PTPRD: variants seen among roughly 807,000 people sequenced by gnomAD.
PTPRD encodes the protein receptor-type tyrosine-protein phosphatase delta.
In PTPRD, 34 loss-of-function variants were observed where a neutral mutation model predicts 214.5. The ratio of observed to expected loss-of-function variants is 0.16; its 90% CI spans 0.12 to 0.21. PTPRD has a LOEUF of 0.21. Ranked by LOEUF, PTPRD falls within the 10% of genes least tolerant of loss-of-function variation. The pLI is 1.00. For missense variants in PTPRD, 2,545 were observed against 2,398.7 expected (o/e 1.06, Z -1.27); for synonymous variants, 1,128 against 845.7 (o/e 1.33, Z -5.79).
intron 14 of PTPRD, among the ~76,000 whole-genome samples, chr9:8,540,895 T>G (rs1273689430): frequency 6.6e-6 from 1 of 152,188 alleles, no homozygotes; most frequent in Non-Finnish European, 1.5e-5. Context: ...GTAACAGTTT[T>G]TATAGTTTTA....
chr9:10,428,431 G>A (rs1355573552), intron 2 of PTPRD, among the ~76,000 whole-genome samples: 1 of 140,054 alleles, frequency 7.1e-6, no homozygotes, highest in Non-Finnish European at 1.5e-5. Context: ...TATAAATTCT[G>A]GGTAAAATAT....
At chr9:8,614,574 T>G (rs138857970) in intron 14 of PTPRD, among the ~76,000 whole-genome samples, 1 of 152,180 alleles carries the variant, frequency 6.6e-6, no homozygotes, top group Non-Finnish European at 1.5e-5. Flanking sequence ...TCCTTTTATG[T>G]AGAGCCCTAC....
intron 8 of PTPRD, among the ~76,000 whole-genome samples, chr9:9,429,975 C>G (rs981121186): frequency 6.6e-6 from 1 of 152,116 alleles, no homozygotes; most frequent in African/African-American, 2.4e-5. Flanking sequence ...GGAAGCATTC[C>G]CTTTGAAAAC....
At chr9:10,471,725 G>A (rs548198323) in intron 2 of PTPRD, among the ~76,000 whole-genome samples, 1 of 152,166 alleles carries the variant, frequency 6.6e-6, no homozygotes, top group South Asian at 2.1e-4. Flanking sequence ...TATAGATAAA[G>A]AAGTCATCGT....
At chr9:10,008,622 A>G (rs34305176) in intron 4 of PTPRD, among the ~76,000 whole-genome samples, 15,300 of 151,774 alleles carry the variant, frequency 0.1, 944 homozygotes, top group African/African-American at 0.14. Context: ...CATTCAGCAT[A>G]AATTCCTGTC....
intron 11 of PTPRD, among the ~76,000 whole-genome samples, chr9:8,769,099 A>C (rs1315232553): frequency 6.6e-6 from 1 of 152,190 alleles, no homozygotes; most frequent in Admixed American, 6.5e-5. Flanking sequence ...ACCCAAGGAA[A>C]ATGTTTTATG....
chr9:9,549,274 A>G (rs1218340124), intron 8 of PTPRD, among the ~76,000 whole-genome samples: 2 of 152,138 alleles, frequency 1.3e-5, no homozygotes, highest in African/African-American at 4.8e-5. Context: ...TATTACACAC[A>G]CAGACACACA....
chr9:9,642,767 C>T (rs1027439596), intron 7 of PTPRD, among the ~76,000 whole-genome samples: 1 of 152,192 alleles, frequency 6.6e-6, no homozygotes, highest in Non-Finnish European at 1.5e-5. Context: ...AATATATTTG[C>T]TCCCTAAATC....
Position 8,733,894 on chromosome 9 carries a change from G to T in PTPRD, c.-51C>A. On this transcript the variant is annotated 5_prime_UTR_variant, in exon 12 of 46. Transcript: ENST00000381196. ...GAGCAGCTTGGAATCACTGCCTCCG[G>T]AGCCGCAGCGAGTCTGTCCGATCTG... The T allele has an allele frequency of 6.6e-7, 1 of 1,520,102 alleles. No homozygotes were observed. The highest frequency in any genetic ancestry group is 8.9e-7 in the Non-Finnish European group (1 of 1,123,448). 94.2% of individuals were successfully genotyped at this position (1,520,102 alleles called of 1,614,324 possible). A position where few individuals can be genotyped will look rare whatever the true frequency, so the allele number is the denominator to read the frequency against.
At chr9:9,567,685 T>C (rs993368360) in intron 8 of PTPRD, among the ~76,000 whole-genome samples, 1 of 152,040 alleles carries the variant, frequency 6.6e-6, no homozygotes, top group Non-Finnish European at 1.5e-5. Flanking sequence ...TTTCTCCTTT[T>C]CTGCTTCTTA....
intron 5 of PTPRD, among the ~76,000 whole-genome samples, chr9:9,916,093 A>T (rs544251673): frequency 1.3e-5 from 2 of 149,526 alleles, no homozygotes; most frequent in African/African-American, 4.9e-5. Flanking sequence ...AAAAAAAAAA[A>T]CAAAAAACTG....
chr9:8,618,330 G>A (rs1381773890), intron 14 of PTPRD, among the ~76,000 whole-genome samples: 1 of 152,056 alleles, frequency 6.6e-6, no homozygotes, highest in African/African-American at 2.4e-5. Context: ...AGACCACATA[G>A]GTAAAGGGCT....
Position 10,090,275 on chromosome 9 carries a change from C to T in PTPRD, c.-544-56485G>A, listed in dbSNP as rs1231882815. On this transcript the variant is annotated intron_variant, in intron 3 of 45. Coordinates refer to ENST00000381196, the MANE Select transcript of PTPRD (RefSeq NM_002839.4). ...TATGATTTAGTGTTTATTCATTCTA[C>T]TATCAAGAACCTGAGACAATGTGGA... 2.6e-5 allele frequency among the ~76,000 whole-genome samples: 4 copies of T among 151,592 alleles called. No individual in the cohort carries two copies. In the East Asian group the frequency reaches 7.8e-4, roughly 29 times the overall value.
chr9:9,242,214 G>C (rs111314907), intron 9 of PTPRD, among the ~76,000 whole-genome samples: 11 of 152,284 alleles, frequency 7.2e-5, no homozygotes, highest in African/African-American at 1.9e-4. Flanking sequence ...CGAGAAATCA[G>C]CTGTTAGTCT....
At position 8,443,068 on chromosome 9, in the gene PTPRD, G is replaced by A. The variant is rs55694817; in HGVS notation, c.3989-6379C>T. 2.6e-3 allele frequency among the ~76,000 whole-genome samples: 400 copies of A among 152,284 alleles called. 2 individuals are homozygous for A. Among genetic ancestry groups the A allele is most frequent in the Admixed American group, 5.8e-3 (88 of 15,292 alleles). ...GTTGAGGTGGGTGGATTACTTAAGC[G>A]TGGAATGTTGAGGCTACAGTAAGCT... On this transcript the variant is annotated intron_variant, in intron 34 of 45. Coordinates refer to ENST00000381196, the MANE Select transcript of PTPRD (RefSeq NM_002839.4).
At chr9:8,924,690 G>A (rs2098855789) in intron 11 of PTPRD, among the ~76,000 whole-genome samples, 1 of 152,024 alleles carries the variant, frequency 6.6e-6, no homozygotes, top group African/African-American at 2.4e-5. Flanking sequence ...GTCTGTAGAA[G>A]GAAACTGTTA....
intron 11 of PTPRD, among the ~76,000 whole-genome samples, chr9:9,005,456 A>G (rs866556910): frequency 4.6e-5 from 7 of 152,228 alleles, no homozygotes; most frequent in African/African-American, 1.7e-4. Flanking sequence ...GAGGAACATC[A>G]TCATGAAATA....
chr9:9,872,296 T>G (rs2065671089), intron 5 of PTPRD, among the ~76,000 whole-genome samples: 2 of 152,156 alleles, frequency 1.3e-5, no homozygotes, highest in Admixed American at 1.3e-4. Flanking sequence ...TGATTTGCCC[T>G]CACAGTCCCT....
intron 10 of PTPRD, among the ~76,000 whole-genome samples, chr9:9,084,661 G>C (rs1258199759): frequency 6.6e-6 from 1 of 152,090 alleles, no homozygotes; most frequent in African/African-American, 2.4e-5. Flanking sequence ...CAGAGGTAAT[G>C]TACTGGCCTC....
Sources: gnomAD v4.1 joint callset for allele counts (sites outside exome capture counted in the v4.1 genomes callset) on GRCh38, gnomAD v4.1.1 for gene constraint, MANE v1.5 for transcripts, NCBI Gene and HGNC (gene_info 2026-07-23, HGNC 2026-07-21) for gene names.